ZRANB3: variants seen among roughly 807,000 people sequenced by gnomAD.
ZRANB3 encodes the protein zinc finger RANBP2-type containing 3, also known as DNA annealing helicase and endonuclease ZRANB3.
In ZRANB3, 125 loss-of-function variants were observed where a neutral mutation model predicts 133.8. The observed-to-expected ratio is 0.93, with a 90% CI of 0.81 to 1.08. ZRANB3 has a LOEUF of 1.08. Among genes scored for constraint, ZRANB3 ranks in the 50% least tolerant of loss-of-function variants. The pLI, the probability that ZRANB3 is intolerant of heterozygous loss-of-function variation, is 0.00. For missense variants in ZRANB3, 1,229 were observed against 1,275.5 expected, an observed-to-expected ratio of 0.96 and a Z score of 0.56; for synonymous variants, 387 against 432.7, an observed-to-expected ratio of 0.89 and a Z score of 1.31.
chr2:135,297,956 T>G (rs1398026336), intron 8 of ZRANB3, among the ~76,000 whole-genome samples: 3 of 152,176 alleles, frequency 2.0e-5, no homozygotes, highest in Non-Finnish European at 2.9e-5. Context: ...TGGCTGGGCT[T>G]GGTAGCTCAC....
chr2:135,517,656 C>T (rs868333872), intron 1 of ZRANB3, among the ~76,000 whole-genome samples: 1 of 152,286 alleles, frequency 6.6e-6, no homozygotes, highest in South Asian at 2.1e-4. Flanking sequence ...GGAGGCACTG[C>T]CAGATGCCAG....
At position 135,271,512 on chromosome 2, in the gene ZRANB3, T is replaced by C. The variant is rs1055502543; in HGVS notation, c.1206+256A>G. 7 of 534,202 alleles carry C rather than the reference T, an allele frequency of 1.3e-5. No homozygotes were observed. In the African/African-American group the frequency reaches 1.4e-4, roughly 10 times the overall value. 33.1% of individuals were successfully genotyped at this position (534,202 alleles called of 1,614,324 possible). A position where few individuals can be genotyped will look rare whatever the true frequency, so the allele number is the denominator to read the frequency against. ...GCAAAAATATTACAATCAAATTAAC[T>C]ATACTCTTCTTACTCTTCTTTGAAA... is the stretch of plus-strand genomic sequence containing the variant. On this transcript the variant is annotated intron_variant, in intron 10 of 20. Transcript: ENST00000264159.
At chr2:135,528,931 AAAG>A (rs1402790539) in intron 1 of ZRANB3, among the ~76,000 whole-genome samples, 1 of 152,262 alleles carries the variant, frequency 6.6e-6, no homozygotes, top group Non-Finnish European at 1.5e-5. Context: ...GGTAGAATGT[AAAG>A]AAGGGACCAA....
intron 11 of ZRANB3, among the ~76,000 whole-genome samples, chr2:135,266,294 T>A (rs578095760): frequency 6.6e-6 from 1 of 152,178 alleles, no homozygotes; most frequent in Non-Finnish European, 1.5e-5. Context: ...ACATGACAGA[T>A]AGCAGGCCCT....
chr2:135,277,380 C>A (rs189802666), intron 8 of ZRANB3, among the ~76,000 whole-genome samples: 10 of 152,266 alleles, frequency 6.6e-5, no homozygotes, highest in African/African-American at 2.4e-4. Flanking sequence ...TGGTTAGTGT[C>A]TTTCTTGTAA....
intron 1 of ZRANB3, among the ~76,000 whole-genome samples, chr2:135,527,715 G>C (rs1468164871): frequency 6.6e-6 from 1 of 152,084 alleles, no homozygotes; most frequent in African/African-American, 2.4e-5. Context: ...GATAATACTG[G>C]TATCTATTCA....
chr2:135,387,115 TA>T (rs998835034), intron 3 of ZRANB3, among the ~76,000 whole-genome samples: 1 of 151,724 alleles, frequency 6.6e-6, no homozygotes, highest in African/African-American at 2.4e-5. Flanking sequence ...AGCAGACAGC[TA>T]AAGTACACAA....
At chr2:135,311,177 A>G (rs1211865381) in intron 8 of ZRANB3, among the ~76,000 whole-genome samples, 1 of 152,156 alleles carries the variant, frequency 6.6e-6, no homozygotes, top group Non-Finnish European at 1.5e-5. Flanking sequence ...ATACTTCACA[A>G]AAGAAAATGA....
At chr2:135,216,515 C>CCTCCCAG (rs1159459030) in intron 17 of ZRANB3, among the ~76,000 whole-genome samples, 1 of 152,150 alleles carries the variant, frequency 6.6e-6, no homozygotes, top group East Asian at 1.9e-4. Context: ...TCTCAGTTCA[C>CCTCCCAG]TGCAGCCTCA....
At chr2:135,408,240 C>G (rs917849168) in intron 2 of ZRANB3, among the ~76,000 whole-genome samples, 5 of 152,110 alleles carry the variant, frequency 3.3e-5, no homozygotes, top group Admixed American at 6.6e-5. Context: ...ATCATCACTG[C>G]TCATCAGAGA....
intron 3 of ZRANB3, among the ~76,000 whole-genome samples, chr2:135,382,369 G>T (rs1424545974): frequency 6.6e-6 from 1 of 152,148 alleles, no homozygotes; most frequent in Admixed American, 6.5e-5. Flanking sequence ...ATGTCTGATT[G>T]GTGTACCTGA....
At chr2:135,441,356 A>G (rs34396679) in intron 2 of ZRANB3, among the ~76,000 whole-genome samples, 1 of 152,158 alleles carries the variant, frequency 6.6e-6, no homozygotes, top group East Asian at 1.9e-4. Flanking sequence ...AATACTGCCA[A>G]CCAAGACTCC....
Position 135,451,391 on chromosome 2 carries a change from G to A in ZRANB3, c.161+52938C>T, listed in dbSNP as rs144016983. 1.6e-3 allele frequency among the ~76,000 whole-genome samples: 245 copies of A among 151,650 alleles called. 5 individuals are homozygous for A. In the East Asian group the frequency reaches 0.044, roughly 27 times the overall value. On this transcript the variant is annotated intron_variant, in intron 2 of 20. Transcript: ENST00000264159. The stretch of plus-strand genomic sequence containing the variant: ...AGCCTGGCCAACATGGAGAAACCCC[G>A]TCTCTACTAAAAATACAAAACTTAG...
At chr2:135,482,523 C>T (rs1245907592) in intron 2 of ZRANB3, among the ~76,000 whole-genome samples, 18 of 150,732 alleles carry the variant, frequency 1.2e-4, no homozygotes, top group African/African-American at 2.0e-4. Flanking sequence ...TGGGCTGAGA[C>T]AATGGGGTTT....
intron 12 of ZRANB3, among the ~76,000 whole-genome samples, chr2:135,234,014 T>A (rs1019880380): frequency 6.6e-5 from 10 of 151,736 alleles, no homozygotes; most frequent in African/African-American, 2.2e-4. Flanking sequence ...GGATAAAGAG[T>A]CAAGACCCAT....
chr2:135,517,239 G>C (rs1385274557), intron 1 of ZRANB3, among the ~76,000 whole-genome samples: 2 of 151,940 alleles, frequency 1.3e-5, no homozygotes, highest in East Asian at 1.9e-4. Context: ...GCTTGGAGAA[G>C]TTTGTTATTA....
At chr2:135,205,384 C>A (rs1260711610) in intron 19 of ZRANB3, among the ~76,000 whole-genome samples, 4 of 152,340 alleles carry the variant, frequency 2.6e-5, no homozygotes, top group Middle Eastern at 3.4e-3. Flanking sequence ...ATCCTCCTAT[C>A]TCAGCCAACC....
chr2:135,222,283 T>A (rs1032217245), intron 15 of ZRANB3, among the ~76,000 whole-genome samples: 50 of 151,410 alleles, frequency 3.3e-4, no homozygotes, highest in African/African-American at 1.1e-3. Flanking sequence ...GGTGCTGCAA[T>A]CCCAGCTATT....
intron 2 of ZRANB3, among the ~76,000 whole-genome samples, chr2:135,397,726 A>G (rs1439384556): frequency 6.6e-6 from 1 of 152,188 alleles, no homozygotes; most frequent in African/African-American, 2.4e-5. Context: ...CTAGGGATAC[A>G]GTGGGCTTCC....
Sources: allele counts gnomAD v4.1 joint callset (sites outside exome capture counted in the v4.1 genomes callset), GRCh38; gene constraint gnomAD v4.1.1; transcripts MANE v1.5; gene names NCBI Gene and HGNC (gene_info 2026-07-23, HGNC 2026-07-21).